FOXP1: variants seen among roughly 807,000 people sequenced by gnomAD.
FOXP1 encodes the protein forkhead box protein P1.
FOXP1 carries 15 observed loss-of-function variants against 98.2 expected under a neutral mutation model. The ratio of observed to expected loss-of-function variants is 0.15; its 90% CI spans 0.10 to 0.24. FOXP1 has a LOEUF of 0.24. FOXP1 is among the 10% of genes least tolerant of loss of function. The pLI is 1.00. For missense variants in FOXP1, 633 were observed against 848.5 expected, an observed-to-expected ratio of 0.75 and a Z score of 3.15; for synonymous variants, 371 against 314.5, an observed-to-expected ratio of 1.18 and a Z score of -1.90.
chr3:71,278,555 G>A (rs540244591), intron 5 of FOXP1, among the ~76,000 whole-genome samples: 29 of 152,102 alleles, frequency 1.9e-4, no homozygotes, highest in Non-Finnish European at 3.4e-4. Flanking sequence ...TGCTGAGGCA[G>A]GCAGATCACA....
At chr3:71,062,498 CGA>C (rs1357660134) in intron 7 of FOXP1, among the ~76,000 whole-genome samples, 2 of 152,150 alleles carry the variant, frequency 1.3e-5, no homozygotes, top group Non-Finnish European at 2.9e-5. Context: ...AGAAAAAAAT[CGA>C]GAGTGATACA....
intron 9 of FOXP1, among the ~76,000 whole-genome samples, chr3:71,049,740 A>G (rs1452228704): frequency 1.3e-5 from 2 of 152,066 alleles, no homozygotes; most frequent in East Asian, 3.9e-4. Context: ...CCAAGTTCAA[A>G]CCTTGTTAAA....
intron 4 of FOXP1, among the ~76,000 whole-genome samples, chr3:71,313,477 G>C (rs2107633011): frequency 6.6e-6 from 1 of 151,602 alleles, no homozygotes; most frequent in Middle Eastern, 3.4e-3. Flanking sequence ...AGTTAGGAAA[G>C]AATTTTTATA....
At chr3:71,258,027 G>A (rs1179935715) in intron 5 of FOXP1, among the ~76,000 whole-genome samples, 8 of 152,144 alleles carry the variant, frequency 5.3e-5, no homozygotes, top group East Asian at 1.9e-4. Context: ...TTATTACTGC[G>A]CTTAATAACA....
At chr3:71,132,942 G>C (rs1232358135) in intron 6 of FOXP1, among the ~76,000 whole-genome samples, 1 of 149,246 alleles carries the variant, frequency 6.7e-6, no homozygotes, top group Non-Finnish European at 1.5e-5. Context: ...AACTGTACTA[G>C]TTCAATCTGT....
intron 6 of FOXP1, among the ~76,000 whole-genome samples, chr3:71,175,917 A>G (rs1488830487): frequency 6.6e-6 from 1 of 152,232 alleles, no homozygotes. Context: ...CAGGAACACA[A>G]AATACCACTC....
Position 71,396,708 on chromosome 3 carries a change from T to C in FOXP1, c.-167-37464A>G, listed in dbSNP as rs938764574. ...ACCCCTTGTTCAAAATTTTAAAAAA[T>C]GTTTAAGAAGACAGCAACAGCAGAG... On this transcript the variant is annotated intron_variant, in intron 3 of 20. Transcript: ENST00000649528. Among the ~76,000 whole-genome samples the C allele has an allele frequency of 1.2e-4, 17 of 139,214 alleles. 1 individual carries two copies. The highest frequency in any genetic ancestry group is 3.3e-4 in the African/African-American group (10 of 29,892). 91.3% of individuals were successfully genotyped at this position (139,214 alleles called of 152,430 possible). A position where few individuals can be genotyped will look rare whatever the true frequency, so the allele number is the denominator to read the frequency against.
chr3:71,212,704 A>G (rs1056925661), intron 5 of FOXP1, among the ~76,000 whole-genome samples: 7 of 152,218 alleles, frequency 4.6e-5, no homozygotes, highest in African/African-American at 1.7e-4. Context: ...GGTCAAAAAG[A>G]TGAATGCTTT....
intron 5 of FOXP1, among the ~76,000 whole-genome samples, chr3:71,212,234 C>CA (rs978403397): frequency 1.2e-4 from 19 of 152,206 alleles, no homozygotes; most frequent in African/African-American, 4.6e-4. Context: ...TACGAGCCAC[C>CA]AAAAAATCCT....
At chr3:71,035,788 A>G (rs1234691447) in intron 11 of FOXP1, among the ~76,000 whole-genome samples, 5 of 152,154 alleles carry the variant, frequency 3.3e-5, no homozygotes. Flanking sequence ...AAAAAACTGA[A>G]ATGAGGAAAA....
At chr3:71,362,661 T>C (rs1231444148) in intron 3 of FOXP1, among the ~76,000 whole-genome samples, 1 of 152,112 alleles carries the variant, frequency 6.6e-6, no homozygotes, top group Non-Finnish European at 1.5e-5. Context: ...GTAGAGACAG[T>C]GTCTCACTGT....
At chr3:71,351,090 T>A (rs2077749775) in intron 4 of FOXP1, among the ~76,000 whole-genome samples, 1 of 152,178 alleles carries the variant, frequency 6.6e-6, no homozygotes, top group Non-Finnish European at 1.5e-5. Flanking sequence ...AGATCTTTTC[T>A]GCTGGAGTTG....
Position 71,367,836 on chromosome 3 carries a change from A to G in FOXP1, c.-167-8592T>C, listed in dbSNP as rs148943777. On this transcript the variant is annotated intron_variant, in intron 3 of 20. Transcript: ENST00000649528. ...CCTTTCCAAGACCATAATGATGGCT[A>G]GTGGTAATGGACTAGTTAGTCCTCT... Among the ~76,000 whole-genome samples, 1,041 of 152,316 alleles carry G rather than the reference A, an allele frequency of 6.8e-3. 29 individuals are homozygous for G. The highest frequency in any genetic ancestry group is 4.0e-3 in the Non-Finnish European group (269 of 68,030).
intron 3 of FOXP1, among the ~76,000 whole-genome samples, chr3:71,405,633 G>A (rs886789570): frequency 6.6e-6 from 1 of 152,106 alleles, no homozygotes; most frequent in Non-Finnish European, 1.5e-5. Flanking sequence ...AGAATCACTT[G>A]GGAAGGTTAT....
At chr3:71,308,577 T>G in intron 4 of FOXP1, among the ~76,000 whole-genome samples, 1 of 152,132 alleles carries the variant, frequency 6.6e-6, no homozygotes, top group East Asian at 1.9e-4. Context: ...TTTCCTGTTT[T>G]CTCATCAGGG....
chr3:71,391,787 CT>C (rs2081054020), intron 3 of FOXP1, among the ~76,000 whole-genome samples: 1 of 152,214 alleles, frequency 6.6e-6, no homozygotes, highest in Non-Finnish European at 1.5e-5. Context: ...GAAAATTTCA[CT>C]GCAGCAATCT....
chr3:71,040,530 C>A (rs1226548939), intron 11 of FOXP1: 1 of 152,240 alleles, frequency 6.6e-6, no homozygotes, highest in Admixed American at 6.5e-5. Flanking sequence ...ACTAAGAATA[C>A]CATAACATGA....
At chr3:71,286,034 T>G (rs781353974) in intron 5 of FOXP1, among the ~76,000 whole-genome samples, 4 of 152,202 alleles carry the variant, frequency 2.6e-5, no homozygotes, top group Admixed American at 6.5e-5. Context: ...ACCCAGATAG[T>G]ATGTATATTT....
chr3:71,476,268 T>C (rs961316836), intron 3 of FOXP1, among the ~76,000 whole-genome samples: 3 of 152,218 alleles, frequency 2.0e-5, no homozygotes, highest in African/African-American at 7.2e-5. Flanking sequence ...CTATCTCATA[T>C]TTTCTTTTTT....
Sources: allele counts gnomAD v4.1 joint callset (sites outside exome capture counted in the v4.1 genomes callset), GRCh38; gene constraint gnomAD v4.1.1; transcripts MANE v1.5; gene names NCBI Gene and HGNC (gene_info 2026-07-23, HGNC 2026-07-21).